The following TRIP11 variants were observed in gnomAD, a reference collection of about 807,000 sequenced individuals.
TRIP11 encodes the protein thyroid hormone receptor interactor 11, also known as thyroid receptor-interacting protein 11.
A neutral mutation model predicts 223.1 loss-of-function variants in TRIP11; 148 were observed. The ratio of observed to expected loss-of-function variants is 0.66; its 90% confidence interval spans 0.58 to 0.76. TRIP11 has a LOEUF of 0.76. Ranked by LOEUF, TRIP11 falls within the 30% of genes least tolerant of loss-of-function variation. TRIP11 has a pLI of 0.00. For missense variants in TRIP11, 2,043 were observed against 2,222.0 expected, an observed-to-expected ratio of 0.92 and a Z score of 1.62; for synonymous variants, 762 against 772.6, an observed-to-expected ratio of 0.99 and a Z score of 0.23.
chr14:92,011,166 T>C, intron 8 of TRIP11, 94 bp from the exon 9 acceptor site: 1 of 1,127,378 alleles, frequency 8.9e-7, no homozygotes, highest in Non-Finnish European at 1.3e-6. Context: ...TTCTATTCAG[T>C]ATTTCTTTAA....
chr14:92,005,564 C>T lies in TRIP11; in HGVS notation c.2412G>A (p.Lys804=), dbSNP rs1455395330. 13 of 1,612,648 alleles carry T rather than the reference C, an allele frequency of 8.1e-6. No individual in the cohort carries two copies. The East Asian group carries it at 2.9e-4, about 36-fold the overall frequency. The change falls in exon 11 of 21, where the codon AAG becomes AAA. Residue 804 remains lysine, a synonymous_variant. Transcript: ENST00000267622. ...TCTTGTTTATAAGTTGTGTCAACTG[C>T]TTCTGCTCTTCTAAACTAGATGACA... is the stretch of plus-strand genomic sequence containing the variant. The part of the protein sequence containing the change: ...DVLSSSLEEQ[K]QLTQLINKKE...
chr14:91,971,732 TTAGA>T (rs1304959576), intron 20 of TRIP11, among the ~76,000 whole-genome samples: 1 of 152,176 alleles, frequency 6.6e-6, no homozygotes, highest in African/African-American at 2.4e-5. Flanking sequence ...CCTACACCTC[TTAGA>T]TAAAGTTATG....
chr14:92,026,710 G>A, intron 2 of TRIP11: 1 of 1,024,784 alleles, frequency 9.8e-7, no homozygotes. Context: ...CAATGAAGTA[G>A]ATGAAGAACA....
At chr14:92,000,273 G>A (rs969409273) in intron 11 of TRIP11, among the ~76,000 whole-genome samples, 165 bp from the exon 12 acceptor site, 3 of 152,076 alleles carry the variant, frequency 2.0e-5, no homozygotes, top group African/African-American at 4.8e-5. Flanking sequence ...ATTTAAAAAC[G>A]TAGTTAACTA....
chr14:92,011,190 T>C (rs2056967797), intron 8 of TRIP11, 118 bp from the exon 9 acceptor site: 1 of 945,936 alleles, frequency 1.1e-6, no homozygotes, highest in Admixed American at 2.0e-5. Context: ...TATGTAGTAA[T>C]TATAAGAATG....
intron 4 of TRIP11, among the ~76,000 whole-genome samples, chr14:92,020,662 T>TAA (rs776038130): frequency 7.2e-6 from 1 of 138,294 alleles, no homozygotes; most frequent in African/African-American, 2.6e-5. Context: ...CATGTTTTAT[T>TAA]AAAAAAAAAA....
At chr14:92,003,198 A>G (rs967394253) in intron 11 of TRIP11, among the ~76,000 whole-genome samples, 2 of 152,220 alleles carry the variant, frequency 1.3e-5, no homozygotes, top group African/African-American at 2.4e-5. Flanking sequence ...TCTGTAAAAA[A>G]TTAATTTACT....
At chr14:91,996,405 G>C (rs1295959233) in intron 13 of TRIP11, among the ~76,000 whole-genome samples, 2 of 152,186 alleles carry the variant, frequency 1.3e-5, no homozygotes, top group Non-Finnish European at 2.9e-5. Flanking sequence ...GTCCAGGTGA[G>C]GCGGCTCTCA....
chr14:92,040,056 G>A lies in TRIP11; in HGVS notation c.-371C>T, dbSNP rs1345335852. On this transcript the variant is annotated 5_prime_UTR_variant, in exon 1 of 21. Coordinates refer to ENST00000267622, the MANE Select transcript of TRIP11 (RefSeq NM_004239.4). ...GACACTCGCTCGGAAAGCGGCAGCG[G>A]ATCATAGAAAAGCGCCGCGGTGGCG... 2.4e-6 allele frequency: 1 copy of A among 412,588 alleles called. No individual in the cohort carries two copies. 25.6% of individuals were successfully genotyped at this position (412,588 alleles called of 1,614,324 possible). A position where few individuals can be genotyped will look rare whatever the true frequency, so the allele number is the denominator to read the frequency against.
intron 6 of TRIP11, 126 bp from the exon 7 acceptor site, chr14:92,014,703 A>G (rs11160036): frequency 2.0e-6 from 2 of 985,538 alleles, no homozygotes; most frequent in African/African-American, 3.3e-5. Flanking sequence ...AATTACTATA[A>G]TAAACTAAGT....
At chr14:91,995,554 A>AT (rs2056739685) in intron 13 of TRIP11, 39 bp from the exon 14 acceptor site, 2 of 1,609,920 alleles carry the variant, frequency 1.2e-6, no homozygotes, top group Non-Finnish European at 1.7e-6. Context: ...TGCTTCATCT[A>AT]TTTAGATACT....
intron 4 of TRIP11, among the ~76,000 whole-genome samples, chr14:92,019,502 G>C (rs1419782663): frequency 2.0e-5 from 3 of 152,174 alleles, no homozygotes; most frequent in African/African-American, 7.2e-5. Context: ...TACTGAGAAT[G>C]TCTAGCAACT....
chr14:92,030,834 T>C (rs2057256299), intron 2 of TRIP11: 1 of 152,264 alleles, frequency 6.6e-6, no homozygotes, highest in Admixed American at 6.5e-5. Flanking sequence ...ATCATTCTAA[T>C]TGGCATTTAT....
In TRIP11 at chr14:92,033,272, A is replaced by C. The variant is rs1415932203; in HGVS notation, c.140-19T>G. 2.5e-6 allele frequency: 4 copies of C among 1,581,676 alleles called. No homozygotes were observed. The highest frequency in any genetic ancestry group is 4.5e-5 in the East Asian group (2 of 44,518). On this transcript the variant is annotated intron_variant, in intron 1 of 20. Transcript: ENST00000267622. ...AATTCTGCTACAAGAGAAATAACAA[A>C]TATTGAATATTTAATCAATACCATA...
At chr14:91,979,257 CAA>C (rs558337126) in intron 16 of TRIP11, among the ~76,000 whole-genome samples, 26 of 102,836 alleles carry the variant, frequency 2.5e-4, no homozygotes, top group East Asian at 2.7e-4. Context: ...ACCCTGTCTC[CAA>C]AAAAAAAAAA....
chr14:92,036,639 T>C (rs1291214362), intron 1 of TRIP11, among the ~76,000 whole-genome samples: 1 of 152,224 alleles, frequency 6.6e-6, no homozygotes, highest in African/African-American at 2.4e-5. Context: ...GTTGTCCACA[T>C]AGTGCTATTT....
rs7159383 is a variant in TRIP11 at position 91,967,132 on chromosome 14, T to C, written c.*2541A>G. 0.01 allele frequency: 1,610 copies of C among 159,936 alleles called. 47 individuals are homozygous for C. Among genetic ancestry groups the C allele is most frequent in the African/African-American group, 0.039 (1,449 of 37,182 alleles). 9.9% of individuals were successfully genotyped at this position (159,936 alleles called of 1,614,324 possible). A position where few individuals can be genotyped will look rare whatever the true frequency, so the allele number is the denominator to read the frequency against. ...GACACAATGAAAACATTAGGTACTA[T>C]AGCTTTTTTTTTTTTTTTTTTTTTT... is the stretch of plus-strand genomic sequence containing the variant. On this transcript the variant is annotated 3_prime_UTR_variant, in exon 21 of 21. Coordinates refer to ENST00000267622, the MANE Select transcript of TRIP11 (RefSeq NM_004239.4).
intron 2 of TRIP11, among the ~76,000 whole-genome samples, chr14:92,029,793 CAGAA>C (rs2057240294): frequency 6.6e-6 from 1 of 152,178 alleles, no homozygotes; most frequent in Non-Finnish European, 1.5e-5. Flanking sequence ...AATGCAGAGA[CAGAA>C]AGCAGCATCC....
chr14:92,017,810 CACAA>C, intron 4 of TRIP11, 60 bp from the exon 5 acceptor site: 1 of 1,398,484 alleles, frequency 7.2e-7, no homozygotes, highest in Non-Finnish European at 1.0e-6. Flanking sequence ...AACAGAAAGT[CACAA>C]ACTAACTTCA....
Sources: allele counts gnomAD v4.1 joint callset (sites outside exome capture counted in the v4.1 genomes callset), GRCh38; gene constraint gnomAD v4.1.1; transcripts MANE v1.5; gene names NCBI Gene and HGNC (gene_info 2026-07-23, HGNC 2026-07-21).